The following KIF24 variants were observed in gnomAD, a reference collection of about 807,000 sequenced individuals.
The protein encoded by KIF24 is kinesin family member 24.
A neutral mutation model predicts 118.9 loss-of-function variants in KIF24; 81 were observed. The ratio of observed to expected loss-of-function variants is 0.68; its 90% CI spans 0.57 to 0.82. KIF24 has a LOEUF of 0.82. Among genes scored for constraint, KIF24 ranks in the 40% least tolerant of loss-of-function variants. KIF24 has a pLI of 0.00. For synonymous variants in KIF24, 599 were observed against 610.0 expected, an observed-to-expected ratio of 0.98 and a Z score of 0.27; for missense variants, 1,560 against 1,661.6, an observed-to-expected ratio of 0.94 and a Z score of 1.06.
intron 9 of KIF24, among the ~76,000 whole-genome samples, chr9:34,262,667 A>AG (rs1835113677): frequency 2.3e-5 from 1 of 43,184 alleles, no homozygotes; most frequent in Non-Finnish European, 4.5e-5. Context: ...AAAAAAAAAA[A>AG]AAAAAAAAAT....
rs886588650 is a variant in KIF24 at position 34,263,245 on chromosome 9, C to T, written c.1444-73G>A. 2.8e-6 allele frequency: 3 copies of T among 1,069,796 alleles called. No homozygotes were observed. In the South Asian group the frequency reaches 4.0e-5, roughly 14 times the overall value. The allele number at this position is 1,069,796 out of a possible 1,614,324, so 66.3% of individuals were successfully genotyped here. On this transcript the variant is annotated intron_variant, in intron 8 of 12. Coordinates refer to ENST00000402558, the MANE Select transcript of KIF24 (RefSeq NM_194313.4). Reference sequence around the variant, plus strand: ...AGTAACAGACCTGATGCCGCCTCCACAGGAAGCTTGTTTTTCTTCAATAAA... The same window carrying T: ...AGTAACAGACCTGATGCCGCCTCCATAGGAAGCTTGTTTTTCTTCAATAAA...
chr9:34,283,290 G>A (rs1378473579), intron 6 of KIF24, among the ~76,000 whole-genome samples: 1 of 151,340 alleles, frequency 6.6e-6, no homozygotes, highest in African/African-American at 2.4e-5. Flanking sequence ...AGGATCACCT[G>A]AGCCCAGGGA....
intron 6 of KIF24, among the ~76,000 whole-genome samples, chr9:34,279,269 A>G (rs1835761492): frequency 6.6e-6 from 1 of 152,134 alleles, no homozygotes; most frequent in Non-Finnish European, 1.5e-5. Flanking sequence ...CATTATCTAC[A>G]TGTTTCAGGC....
chr9:34,276,372 A>G (rs1452372233), intron 6 of KIF24, among the ~76,000 whole-genome samples: 1 of 149,348 alleles, frequency 6.7e-6, no homozygotes, highest in Non-Finnish European at 1.5e-5. Flanking sequence ...ATTGCACTCC[A>G]GCCTGGGGGA....
intron 1 of KIF24, chr9:34,319,417 T>C: frequency 2.1e-6 from 2 of 971,138 alleles, no homozygotes; most frequent in Non-Finnish European, 3.3e-6. Context: ...TTGTCACGCA[T>C]GCCACACAAG....
chr9:34,314,094 T>C (rs895476751), intron 1 of KIF24, among the ~76,000 whole-genome samples: 2 of 151,952 alleles, frequency 1.3e-5, no homozygotes, highest in African/African-American at 2.4e-5. Flanking sequence ...TTTTACAATG[T>C]TGAGCCTCTC....
Position 34,269,357 on chromosome 9 carries a change from G to A in KIF24, c.1343C>T (p.Ser448Phe), listed in dbSNP as rs751329345. 7 of 1,553,904 alleles carry A rather than the reference G, an allele frequency of 4.5e-6. No homozygotes were observed. Among genetic ancestry groups the A allele is most frequent in the South Asian group, 4.5e-5 (4 of 89,162 alleles). The part of the protein sequence containing the change: ...DSAKRTFGRI[S>F]FIDLAGSERA... Reference sequence around the variant, plus strand: ...TTCACTGCCAGCCAAGTCAATAAAAGAGATCCTAGAGAAAAGACACAGCAG... The same window carrying A: ...TTCACTGCCAGCCAAGTCAATAAAAAAGATCCTAGAGAAAAGACACAGCAG... Residue 448 changes from serine to phenylalanine, a missense_variant, in exon 8 of 13, where the codon TCT (serine) becomes TTT (phenylalanine). Ser to Phe is a radical substitution (Grantham distance 155, BLOSUM62 -2). Transcript: ENST00000402558.
chr9:34,317,282 C>T (rs1837360033), intron 1 of KIF24, among the ~76,000 whole-genome samples: 1 of 151,486 alleles, frequency 6.6e-6, no homozygotes, highest in Non-Finnish European at 1.5e-5. Flanking sequence ...CCCAGCTACT[C>T]TGGAGGCTGA....
intron 2 of KIF24, among the ~76,000 whole-genome samples, chr9:34,309,043 T>C (rs1016677988): frequency 6.6e-6 from 1 of 152,106 alleles, no homozygotes; most frequent in African/African-American, 2.4e-5. Context: ...ACTGCACCAC[T>C]GCACTCCAGC....
Position 34,259,635 on chromosome 9 carries a change from G to C in KIF24, c.1586C>G (p.Ala529Gly). The change falls in exon 10 of 13, where the codon GCC becomes GGC. Residue 529 changes from alanine (A) to glycine (G), a missense_variant. This residue lies in a region of KIF24 where 964 missense variants were observed against 988.0 expected (regional missense o/e 0.98). Coordinates refer to ENST00000402558, the MANE Select transcript of KIF24 (RefSeq NM_194313.4). The stretch of plus-strand genomic sequence containing the variant: ...CAAGGTGTTGAGAGTGTGTTCAGTG[G>C]CCACGTGGCTTGGTGAGATGTTGGC... Reference protein sequence around the residue: ...MIANISPSHVATEHTLNTLRY... With the variant: ...MIANISPSHVGTEHTLNTLRY... 1 of 1,613,918 alleles carries C rather than the reference G, an allele frequency of 6.2e-7. No homozygotes were observed. The highest frequency in any genetic ancestry group is 8.5e-7 in the Non-Finnish European group (1 of 1,179,850).
chr9:34,284,987 C>T (rs1278031562), intron 6 of KIF24, among the ~76,000 whole-genome samples: 1 of 152,002 alleles, frequency 6.6e-6, no homozygotes, highest in Non-Finnish European at 1.5e-5. Context: ...CAACAGAAAT[C>T]TATTTGTACT....
At chr9:34,298,357 C>T (rs948908997) in intron 3 of KIF24, among the ~76,000 whole-genome samples, 2 of 151,950 alleles carry the variant, frequency 1.3e-5, no homozygotes, top group Non-Finnish European at 2.9e-5. Context: ...ACCAGCCTGG[C>T]CAACATGGTG....
At chr9:34,301,892 G>GCT (rs1836721230) in intron 3 of KIF24, among the ~76,000 whole-genome samples, 2 of 150,296 alleles carry the variant, frequency 1.3e-5, no homozygotes, top group African/African-American at 4.9e-5. Flanking sequence ...GAATAGAGAA[G>GCT]AAAATAAAAG....
At position 34,271,925 on chromosome 9, in the gene KIF24, G is replaced by C. The variant is rs1835524687; in HGVS notation, c.1221C>G (p.Ile407Met). Residue 407 changes from isoleucine (I) to methionine (M), a missense_variant, in exon 7 of 13, where the codon ATC becomes ATG. Physicochemically the swap from Ile to Met is conservative, Grantham distance 10 (BLOSUM62 1). Coordinates refer to ENST00000402558, the MANE Select transcript of KIF24 (RefSeq NM_194313.4). ...VDSVELLLEVILKGSKERSTG... is the reference protein window; with the variant it reads ...VDSVELLLEVMLKGSKERSTG... ...TGCTGCGCTCCTTGCTGCCCTTTAA[G>C]ATCACCTGAAAATAAAATCCACAGG... The C allele has an allele frequency of 6.3e-7, 1 of 1,590,210 alleles. No individual in the cohort carries two copies. The highest frequency in any genetic ancestry group is 8.6e-7 in the Non-Finnish European group (1 of 1,167,444).
chr9:34,288,951 T>C (rs1017874493), intron 5 of KIF24, among the ~76,000 whole-genome samples: 1 of 151,488 alleles, frequency 6.6e-6, no homozygotes, highest in Admixed American at 6.6e-5. Flanking sequence ...GCATTCTGAC[T>C]GGAAAGGGCT....
chr9:34,299,508 A>G (rs1395177317), intron 3 of KIF24, among the ~76,000 whole-genome samples: 1 of 151,812 alleles, frequency 6.6e-6, no homozygotes, highest in Non-Finnish European at 1.5e-5. Context: ...TATTTGCACC[A>G]CCGCATTCTA....
intron 1 of KIF24, among the ~76,000 whole-genome samples, chr9:34,324,795 C>T (rs1837625623): frequency 1.3e-5 from 2 of 152,116 alleles, no homozygotes. Context: ...TGCATTCATT[C>T]ACATTGTGCT....
chr9:34,317,471 A>G (rs546099468), intron 1 of KIF24, among the ~76,000 whole-genome samples: 133 of 152,318 alleles, frequency 8.7e-4, no homozygotes, highest in African/African-American at 3.0e-3. Flanking sequence ...CCTGTCCTCC[A>G]ATTTAGCTTT....
intron 10 of KIF24, among the ~76,000 whole-genome samples, chr9:34,258,592 G>A (rs1834943601): frequency 6.6e-6 from 1 of 152,190 alleles, no homozygotes; most frequent in Non-Finnish European, 1.5e-5. Flanking sequence ...GGCCAGAGAC[G>A]CCAGTCTCAG....
Sources: gnomAD v4.1 joint callset for allele counts (sites outside exome capture counted in the v4.1 genomes callset) on GRCh38, gnomAD v4.1.1 for gene constraint, gnomAD v4.1.1 regional missense constraint, MANE v1.5 for transcripts, NCBI Gene and HGNC (gene_info 2026-07-23, HGNC 2026-07-21) for gene names.